The following RARB variants were observed in gnomAD, a reference collection of about 807,000 sequenced individuals.
The protein encoded by RARB is HBV-activated protein.
RARB carries 17 observed loss-of-function variants against 51.9 expected under a neutral mutation model. The ratio of observed to expected loss-of-function variants is 0.33; its 90% CI spans 0.22 to 0.49. The LOEUF is 0.49. Ranked by LOEUF, RARB falls within the 20% of genes least tolerant of loss-of-function variation. The pLI is 0.99. For synonymous variants in RARB, 215 were observed against 195.4 expected (o/e 1.10, Z -0.84); for missense variants, 369 against 550.8 (o/e 0.67, Z 3.30).
At chr3:25,051,214 C>G (rs528916382) in intron 2 of RARB, among the ~76,000 whole-genome samples, 2 of 152,042 alleles carry the variant, frequency 1.3e-5, no homozygotes, top group Non-Finnish European at 1.5e-5. Context: ...GTTTAAATCA[C>G]CTGTCAAGGA....
At chr3:24,914,278 T>G (rs1322449319) in intron 2 of RARB, among the ~76,000 whole-genome samples, 1 of 152,192 alleles carries the variant, frequency 6.6e-6, no homozygotes, top group Non-Finnish European at 1.5e-5. Flanking sequence ...GTCGTACCTG[T>G]GGCATCTCAG....
chr3:25,389,898 A>G (rs6784301), intron 5 of RARB, among the ~76,000 whole-genome samples: 100,659 of 152,040 alleles, frequency 0.66, 33,689 homozygotes, highest in East Asian at 0.9. Context: ...CTTGAACAAA[A>G]GTCAACCAAA....
At chr3:25,475,268 A>T (rs1695890142) in intron 2 of RARB, among the ~76,000 whole-genome samples, 1 of 152,186 alleles carries the variant, frequency 6.6e-6, no homozygotes, top group African/African-American at 2.4e-5. Flanking sequence ...CCTCAGAAAG[A>T]ATATTTCTGT....
At chr3:24,974,363 C>T (rs994020808) in intron 2 of RARB, among the ~76,000 whole-genome samples, 2 of 152,066 alleles carry the variant, frequency 1.3e-5, no homozygotes, top group Non-Finnish European at 2.9e-5. Context: ...ATTCTTGCAT[C>T]ATGAATAAGT....
chr3:24,849,518 T>C (rs1702528495), intron 1 of RARB, among the ~76,000 whole-genome samples: 1 of 152,254 alleles, frequency 6.6e-6, no homozygotes, highest in Admixed American at 6.5e-5. Context: ...TTTCCATCAA[T>C]TAAGTGATAT....
intron 5 of RARB, among the ~76,000 whole-genome samples, chr3:25,286,083 CTTTTTTTTTTTTTTTTTT>C (rs33947703): frequency 2.6e-5 from 2 of 76,476 alleles, no homozygotes; most frequent in African/African-American, 1.1e-4. Flanking sequence ...TGATCTTTCT[CTTTTTTTTTTTTTTTTTT>C]TTTTTTTTTG....
intron 5 of RARB, among the ~76,000 whole-genome samples, chr3:25,180,295 A>G (rs1016032624): frequency 5.3e-5 from 8 of 152,208 alleles, no homozygotes; most frequent in African/African-American, 1.9e-4. Context: ...TCCTTTCGAT[A>G]AAGACATTCC....
chr3:25,427,056 G>A (rs1293538816), upstream of RARB, among the ~76,000 whole-genome samples: 1 of 152,190 alleles, frequency 6.6e-6, no homozygotes, highest in Non-Finnish European at 1.5e-5. Context: ...TACAAAATAT[G>A]CGTTTAATTA....
chr3:24,995,616 GGCTTTATCATATTCAAGC>G (rs1697004357), intron 2 of RARB, among the ~76,000 whole-genome samples: 1 of 151,778 alleles, frequency 6.6e-6, no homozygotes, highest in Non-Finnish European at 1.5e-5. Context: ...GTCATATATG[GGCTTTATCATATTCAAGC>G]GCTTTCTTTC....
intron 2 of RARB, among the ~76,000 whole-genome samples, chr3:25,008,179 C>T (rs926687354): frequency 3.3e-5 from 5 of 152,086 alleles, no homozygotes; most frequent in African/African-American, 1.2e-4. Flanking sequence ...TTCGTTTGGG[C>T]AGTTCAGAGT....
At chr3:24,937,797 T>C (rs570488094) in intron 2 of RARB, among the ~76,000 whole-genome samples, 2 of 152,220 alleles carry the variant, frequency 1.3e-5, no homozygotes, top group South Asian at 4.1e-4. Context: ...GCAGAGTTTT[T>C]TATTAAAAAA....
intron 1 of RARB, among the ~76,000 whole-genome samples, chr3:24,855,743 C>A (rs1434182817): frequency 3.7e-5 from 4 of 108,790 alleles, no homozygotes; most frequent in African/African-American, 1.3e-4. Context: ...TGGAAATCTG[C>A]ATTTTTTTTT....
chr3:25,553,120 TCTATAGAGATGATTTTTTTC>T (rs1428918332), intron 3 of RARB, among the ~76,000 whole-genome samples: 1 of 151,824 alleles, frequency 6.6e-6, no homozygotes, highest in Non-Finnish European at 1.5e-5. Context: ...AAATTTTAGT[TCTATAGAGATGATTTTTTTC>T]CTGCCATCTT....
chr3:25,264,358 T>C (rs2125408261), intron 5 of RARB, among the ~76,000 whole-genome samples: 1 of 149,994 alleles, frequency 6.7e-6, no homozygotes. Context: ...ATGGGCAAGA[T>C]CTACTATTTT....
chr3:25,153,772 CCT>C (rs1468866699), intron 4 of RARB, among the ~76,000 whole-genome samples: 1 of 152,060 alleles, frequency 6.6e-6, no homozygotes, highest in African/African-American at 2.4e-5. Context: ...CTTGCCCAGC[CCT>C]GTTTTGATTT....
intron 2 of RARB, among the ~76,000 whole-genome samples, chr3:25,025,319 C>A (rs1396517980): frequency 6.6e-6 from 1 of 152,122 alleles, no homozygotes; most frequent in Non-Finnish European, 1.5e-5. Context: ...ACTTTGATAC[C>A]AACTGACTGT....
At chr3:25,016,594 T>A (rs1044636991) in intron 2 of RARB, among the ~76,000 whole-genome samples, 2 of 152,178 alleles carry the variant, frequency 1.3e-5, no homozygotes, top group Non-Finnish European at 2.9e-5. Flanking sequence ...GAAAGTACGG[T>A]GGATACAATC....
chr3:25,113,684 G>C (rs1292096534), intron 3 of RARB, among the ~76,000 whole-genome samples: 1 of 152,158 alleles, frequency 6.6e-6, no homozygotes, highest in Non-Finnish European at 1.5e-5. Context: ...GGGTTTTGCA[G>C]ACAGTCCTGA....
chr3:25,001,232 T>G (rs567906927), intron 2 of RARB, among the ~76,000 whole-genome samples: 34 of 152,144 alleles, frequency 2.2e-4, no homozygotes, highest in Admixed American at 9.2e-4. Context: ...TACAATGTCT[T>G]TAACCAAAAT....
Sources: gnomAD v4.1 joint callset for allele counts (sites outside exome capture counted in the v4.1 genomes callset) on GRCh38, gnomAD v4.1.1 for gene constraint, MANE v1.5 for transcripts, NCBI Gene and HGNC (gene_info 2026-07-23, HGNC 2026-07-21) for gene names.